The following PIK3C2G variants were observed in gnomAD, a reference collection of about 807,000 sequenced individuals.
PIK3C2G encodes the protein phosphatidylinositol 3-kinase C2 domain-containing subunit gamma.
A neutral mutation model predicts 181.1 loss-of-function variants in PIK3C2G; 168 were observed. The observed-to-expected ratio is 0.93, with a 90% CI of 0.82 to 1.05. The LOEUF is 1.05. Ranked by LOEUF, PIK3C2G falls within the 50% of genes least tolerant of loss-of-function variation. The pLI is 0.00. For missense variants in PIK3C2G, 1,869 were observed against 1,732.8 expected, an observed-to-expected ratio of 1.08 and a Z score of -1.40; for synonymous variants, 573 against 592.2, an observed-to-expected ratio of 0.97 and a Z score of 0.47.
intron 16 of PIK3C2G, among the ~76,000 whole-genome samples, chr12:18,403,749 G>C (rs1311190277): frequency 6.6e-6 from 1 of 152,080 alleles, no homozygotes; most frequent in African/African-American, 2.4e-5. Flanking sequence ...CTACTACTGA[G>C]TGCCAGCAGA....
chr12:18,452,886 TC>T lies in PIK3C2G; in HGVS notation c.2504+28848del, dbSNP rs554543253. 3.5e-3 allele frequency among the ~76,000 whole-genome samples: 539 copies of T among 152,344 alleles called. 1 individual carries two copies. The highest frequency in any genetic ancestry group is 5.6e-3 in the Non-Finnish European group (382 of 68,034). On this transcript the variant is annotated intron_variant, in intron 18 of 32. Coordinates refer to ENST00000538779, the MANE Select transcript of PIK3C2G (RefSeq NM_001288772.2). The stretch of plus-strand genomic sequence containing the variant: ...GTAGTTGTCCAGTTTTGATTGAATT[TC>T]TTAATCCTGAATTCTATTTTGGTTG...
chr12:18,563,354 T>G (rs1565511721), intron 27 of PIK3C2G, 23 bp from the exon 28 acceptor site: 11 of 1,589,682 alleles, frequency 6.9e-6, no homozygotes, highest in Non-Finnish European at 9.4e-6. Flanking sequence ...ATCTTTTGAT[T>G]TCTATCTATT....
At chr12:18,317,717 C>T (rs1044060421) in intron 6 of PIK3C2G, among the ~76,000 whole-genome samples, 5 of 152,234 alleles carry the variant, frequency 3.3e-5, no homozygotes, top group African/African-American at 7.2e-5. Flanking sequence ...TCGTTAGAAA[C>T]GAGGAATATT....
intron 31 of PIK3C2G, among the ~76,000 whole-genome samples, chr12:18,620,534 A>G (rs1425455591): frequency 7.6e-6 from 1 of 131,374 alleles, no homozygotes; most frequent in Non-Finnish European, 1.5e-5. Context: ...AGACAGATAG[A>G]TAGATAGATA....
Position 18,286,833 on chromosome 12 carries a change from G to T in PIK3C2G, c.679-14G>T, listed in dbSNP as rs1279996375. On this transcript the variant is annotated splice_polypyrimidine_tract_variant and intron_variant, in intron 2 of 32. Coordinates refer to ENST00000538779, the MANE Select transcript of PIK3C2G (RefSeq NM_001288772.2). ...TTCTCCAAATTATATTAATTTAGTA[G>T]ATTTTATTTTAAGTCAATAGGTTGT... is the stretch of plus-strand genomic sequence containing the variant. The T allele has an allele frequency of 1.5e-6, 2 of 1,350,736 alleles. No homozygotes were observed. Among genetic ancestry groups the T allele is most frequent in the Non-Finnish European group, 2.0e-6 (2 of 986,340 alleles). The allele number at this position is 1,350,736 out of a possible 1,614,324, so 83.7% of individuals were successfully genotyped here.
chr12:18,467,563 T>A (rs908310512), intron 18 of PIK3C2G, among the ~76,000 whole-genome samples: 1 of 151,982 alleles, frequency 6.6e-6, no homozygotes, highest in Non-Finnish European at 1.5e-5. Flanking sequence ...AGACAAGATT[T>A]ACCTGACAAG....
intron 31 of PIK3C2G, among the ~76,000 whole-genome samples, chr12:18,633,771 C>T (rs1031933508): frequency 4.6e-5 from 7 of 152,134 alleles, no homozygotes; most frequent in East Asian, 1.9e-4. Flanking sequence ...GTGGCTGAGT[C>T]GAAGTCTTAA....
At chr12:18,509,553 T>C (rs1190217918) in intron 24 of PIK3C2G, among the ~76,000 whole-genome samples, 1 of 152,216 alleles carries the variant, frequency 6.6e-6, no homozygotes, top group African/African-American at 2.4e-5. Flanking sequence ...TGAGCTCTCC[T>C]GGCTCTTAAA....
intron 1 of PIK3C2G, among the ~76,000 whole-genome samples, chr12:18,279,324 A>G (rs900279148): frequency 2.0e-5 from 3 of 152,074 alleles, no homozygotes; most frequent in Admixed American, 2.0e-4. Context: ...AAACATGTGA[A>G]TATCTACATA....
chr12:18,435,554 G>A (rs2135789666), intron 18 of PIK3C2G, among the ~76,000 whole-genome samples: 1 of 152,186 alleles, frequency 6.6e-6, no homozygotes, highest in South Asian at 2.1e-4. Flanking sequence ...TAGGGTATGA[G>A]ATCCATGTTA....
At chr12:18,546,460 T>A (rs1944433196) in intron 26 of PIK3C2G, 28 bp downstream of exon 26, 1 of 1,201,316 alleles carries the variant, frequency 8.3e-7, no homozygotes, top group Non-Finnish European at 1.2e-6. Flanking sequence ...TGTGTGAGCA[T>A]GCATGCATGA....
intron 25 of PIK3C2G, among the ~76,000 whole-genome samples, chr12:18,539,076 GAAAAAT>G (rs2136243082): frequency 6.6e-6 from 1 of 152,044 alleles, no homozygotes; most frequent in South Asian, 2.1e-4. Flanking sequence ...TGGAGTCTAT[GAAAAAT>G]AACTGATTTA....
chr12:18,294,290 A>G (rs1949842895), intron 5 of PIK3C2G, among the ~76,000 whole-genome samples: 1 of 152,036 alleles, frequency 6.6e-6, no homozygotes, highest in Non-Finnish European at 1.5e-5. Context: ...AGCCCTCAGG[A>G]TGTAGGAATT....
At chr12:18,591,588 A>T (rs1485842123) in intron 29 of PIK3C2G, among the ~76,000 whole-genome samples, 1 of 151,922 alleles carries the variant, frequency 6.6e-6, no homozygotes, top group Non-Finnish European at 1.5e-5. Context: ...AATTCAGCAA[A>T]GGTAAGCATT....
At chr12:18,325,803 G>T (rs938630135) in intron 8 of PIK3C2G, among the ~76,000 whole-genome samples, 1 of 151,892 alleles carries the variant, frequency 6.6e-6, no homozygotes, top group East Asian at 1.9e-4. Context: ...TGCAGTTAGT[G>T]TTCAAAGTTA....
the PIK3C2G span, among the ~76,000 whole-genome samples, chr12:18,679,359 C>A: frequency 2.2e-4 from 33 of 151,956 alleles, no homozygotes; most frequent in African/African-American, 8.0e-4. Flanking sequence ...TTCAAGAAAC[C>A]TTTGCTTATC....
At chr12:18,331,137 C>A (rs191373872) in intron 8 of PIK3C2G, among the ~76,000 whole-genome samples, 1 of 152,034 alleles carries the variant, frequency 6.6e-6, no homozygotes, top group Non-Finnish European at 1.5e-5. Context: ...AATTACCATA[C>A]GTTCATGGAA....
At chr12:18,439,696 T>C (rs1946635502) in intron 18 of PIK3C2G, among the ~76,000 whole-genome samples, 1 of 152,128 alleles carries the variant, frequency 6.6e-6, no homozygotes, top group Non-Finnish European at 1.5e-5. Context: ...TAACTCAGTA[T>C]GACATCATTT....
chr12:18,494,158 T>C (rs1238374742), intron 20 of PIK3C2G, among the ~76,000 whole-genome samples: 1 of 152,192 alleles, frequency 6.6e-6, no homozygotes, highest in Non-Finnish European at 1.5e-5. Flanking sequence ...TCTAAGACTC[T>C]GATTAATTCT....
Sources: gnomAD v4.1 joint callset for allele counts (sites outside exome capture counted in the v4.1 genomes callset) on GRCh38, gnomAD v4.1.1 for gene constraint, MANE v1.5 for transcripts, NCBI Gene and HGNC (gene_info 2026-07-23, HGNC 2026-07-21) for gene names.